CFAP299: variants seen among roughly 807,000 people sequenced by gnomAD.
CFAP299 encodes the protein cilia- and flagella-associated protein 299.
Under a neutral mutation model 27.0 loss-of-function variants are expected in CFAP299, and 21 were observed. That is an observed-to-expected ratio of 0.78 (90% CI 0.55 to 1.12). The LOEUF is 1.12. CFAP299 is among the 50% of genes most tolerant of loss of function. The pLI, the probability that CFAP299 is intolerant of heterozygous loss-of-function variation, is 0.00. For missense variants in CFAP299, 310 were observed against 276.6 expected (o/e 1.12, Z -0.86); for synonymous variants, 104 against 98.1 (o/e 1.06, Z -0.36).
chr4:80,668,208 T>C (rs1741244512), intron 3 of CFAP299, among the ~76,000 whole-genome samples: 1 of 151,968 alleles, frequency 6.6e-6, no homozygotes. Flanking sequence ...TGGTTATTAA[T>C]TTCTTGTCAG....
intron 3 of CFAP299, among the ~76,000 whole-genome samples, chr4:80,786,616 T>C (rs1401769740): frequency 2.0e-5 from 3 of 152,140 alleles, no homozygotes. Flanking sequence ...CAACCAATTA[T>C]AGTAACTGTG....
intron 3 of CFAP299, among the ~76,000 whole-genome samples, chr4:80,699,622 T>G (rs1205420226): frequency 6.6e-6 from 1 of 152,156 alleles, no homozygotes; most frequent in Non-Finnish European, 1.5e-5. Flanking sequence ...ATGTGTTATA[T>G]TTGAAATAAC....
At chr4:80,560,544 C>T (rs780960928) in intron 2 of CFAP299, among the ~76,000 whole-genome samples, 8 of 151,976 alleles carry the variant, frequency 5.3e-5, no homozygotes, top group South Asian at 2.1e-4. Flanking sequence ...ACTTTTGGGT[C>T]GCATTTCTGA....
upstream of CFAP299, among the ~76,000 whole-genome samples, chr4:80,335,566 GA>G (rs938735414): frequency 6.6e-6 from 1 of 152,156 alleles, no homozygotes; most frequent in Non-Finnish European, 1.5e-5. Context: ...ATGGGTATCC[GA>G]CCTGAACTTG....
At chr4:80,614,890 A>G (rs889309550) in intron 3 of CFAP299, among the ~76,000 whole-genome samples, 1 of 152,222 alleles carries the variant, frequency 6.6e-6, no homozygotes, top group Non-Finnish European at 1.5e-5. Flanking sequence ...CATACAAGAG[A>G]CACCTTTGGT....
rs550414533 is a variant in CFAP299 at position 80,572,507 on chromosome 4, GTTT to G, written c.243-10560_243-10558del. Among the ~76,000 whole-genome samples the G allele has an allele frequency of 9.2e-3, 333 of 36,356 alleles. 1 individual carries two copies. The highest frequency in any genetic ancestry group is 0.02 in the African/African-American group (223 of 11,162). 23.9% of individuals were successfully genotyped at this position (36,356 alleles called of 152,430 possible). A position where few individuals can be genotyped will look rare whatever the true frequency, so the allele number is the denominator to read the frequency against. ...TGTTGTTGCACATGACTGGATCCCA[GTTT>G]TTTTTTTTTTTTTTTTTTTTTTTTT... On this transcript the variant is annotated intron_variant, in intron 2 of 5. Coordinates refer to ENST00000358105, the MANE Select transcript of CFAP299 (RefSeq NM_152770.3).
chr4:80,662,951 A>G (rs966780596), intron 3 of CFAP299, among the ~76,000 whole-genome samples: 69 of 152,078 alleles, frequency 4.5e-4, no homozygotes, highest in African/African-American at 1.4e-3. Flanking sequence ...CTTATCATTG[A>G]AAAGGAATGT....
intron 3 of CFAP299, among the ~76,000 whole-genome samples, chr4:80,846,222 G>A (rs2110143433): frequency 6.6e-6 from 1 of 152,250 alleles, no homozygotes; most frequent in South Asian, 2.1e-4. Flanking sequence ...TAGGGATGGA[G>A]GAATTGGTCC....
intron 3 of CFAP299, among the ~76,000 whole-genome samples, chr4:80,768,608 G>T (rs780834058): frequency 7.9e-5 from 12 of 152,034 alleles, no homozygotes; most frequent in Non-Finnish European, 1.5e-4. Flanking sequence ...GCCAAAGAAG[G>T]TCTAGTATAT....
chr4:80,369,595 A>G (rs1406864513), intron 2 of CFAP299, among the ~76,000 whole-genome samples: 2 of 152,072 alleles, frequency 1.3e-5, no homozygotes, highest in Non-Finnish European at 1.5e-5. Flanking sequence ...ATTCTTCCCT[A>G]TCCCCATTCT....
At chr4:80,419,659 C>T (rs1727193191) in intron 2 of CFAP299, among the ~76,000 whole-genome samples, 1 of 152,112 alleles carries the variant, frequency 6.6e-6, no homozygotes, top group African/African-American at 2.4e-5. Flanking sequence ...TTCTGAGATT[C>T]CCGGTGCGGG....
intron 2 of CFAP299, among the ~76,000 whole-genome samples, chr4:80,501,346 A>G (rs1217055477): frequency 6.6e-6 from 1 of 150,578 alleles, no homozygotes; most frequent in African/African-American, 2.4e-5. Context: ...ATTAAAGTAT[A>G]TTGTCTATTA....
intron 2 of CFAP299, among the ~76,000 whole-genome samples, chr4:80,472,101 G>A (rs1422641827): frequency 6.6e-6 from 1 of 152,178 alleles, no homozygotes; most frequent in Non-Finnish European, 1.5e-5. Flanking sequence ...AGTATGTCTT[G>A]TAAATACTGT....
intron 4 of CFAP299, among the ~76,000 whole-genome samples, chr4:80,904,667 C>T (rs755416714): frequency 6.6e-6 from 1 of 152,050 alleles, no homozygotes; most frequent in Non-Finnish European, 1.5e-5. Flanking sequence ...GGCTGTAGGT[C>T]AACCAGCTTC....
At position 80,643,708 on chromosome 4, in the gene CFAP299, T is replaced by C. The variant is rs562385702; in HGVS notation, c.333+60525T>C. ...ATGCAGGGATTGGTAGATTTGACCA[T>C]AGGAACTTATAGAGTCTGTTTTTAC... On this transcript the variant is annotated intron_variant, in intron 3 of 5. Coordinates refer to ENST00000358105, the MANE Select transcript of CFAP299 (RefSeq NM_152770.3). Among the ~76,000 whole-genome samples, 60 of 152,248 alleles carry C rather than the reference T, an allele frequency of 3.9e-4. No individual in the cohort carries two copies. The South Asian group carries it at 6.6e-3, about 17-fold the overall frequency.
At chr4:80,386,421 T>C in intron 2 of CFAP299, 1 of 1,544,956 alleles carries the variant, frequency 6.5e-7, no homozygotes. Flanking sequence ...CTTCATCTCC[T>C]CCAGCCCCAG....
intron 3 of CFAP299, among the ~76,000 whole-genome samples, chr4:80,651,858 C>T (rs2109970650): frequency 6.6e-6 from 1 of 151,780 alleles, no homozygotes. Flanking sequence ...AGTCAAAGAG[C>T]TTATGTGAAG....
chr4:80,587,673 G>A (rs766959219), intron 3 of CFAP299, among the ~76,000 whole-genome samples: 4 of 152,062 alleles, frequency 2.6e-5, no homozygotes, highest in Admixed American at 6.6e-5. Context: ...GCTCACTGCA[G>A]CCAAGATCTC....
chr4:80,837,347 A>T (rs1231954738), intron 3 of CFAP299, among the ~76,000 whole-genome samples: 1 of 152,196 alleles, frequency 6.6e-6, no homozygotes, highest in Non-Finnish European at 1.5e-5. Context: ...GAGGTTTGTT[A>T]CATAGGTATA....
Sources: allele counts gnomAD v4.1 joint callset (sites outside exome capture counted in the v4.1 genomes callset), GRCh38; gene constraint gnomAD v4.1.1; transcripts MANE v1.5; gene names NCBI Gene and HGNC (gene_info 2026-07-23, HGNC 2026-07-21).